The following ADGRL2 variants were observed in gnomAD, a reference collection of about 807,000 sequenced individuals.
The protein encoded by ADGRL2 is adhesion G protein-coupled receptor L2.
ADGRL2 carries 44 observed loss-of-function variants against 157.4 expected under a neutral mutation model. That is an observed-to-expected ratio of 0.28 (90% CI 0.22 to 0.36). The LOEUF is 0.36. Ranked by LOEUF, ADGRL2 falls within the 10% of genes least tolerant of loss-of-function variation. The probability of loss-of-function intolerance (pLI) is 1.00; values close to 1 mark genes in which losing one functional copy is unlikely to be tolerated. For synonymous variants in ADGRL2, 585 were observed against 624.7 expected (o/e 0.94, Z 0.95); for missense variants, 1,510 against 1,768.9 (o/e 0.85, Z 2.63).
At position 81,782,127 on chromosome 1, in the gene ADGRL2, C is replaced by T. The variant is rs536657180; in HGVS notation, c.-101+20275C>T. On this transcript the variant is annotated intron_variant, in intron 2 of 20. Transcript: ENST00000359929. ...GGGCTTGGGCACCAATAGATCAGAA[C>T]AGATGCTGGTCATAAACTACCAGCA... is the stretch of plus-strand genomic sequence containing the variant. Among the ~76,000 whole-genome samples, 5 of 152,252 alleles carry T rather than the reference C, an allele frequency of 3.3e-5. No individual in the cohort carries two copies. The East Asian group carries it at 5.8e-4, about 18-fold the overall frequency.
At chr1:81,785,633 C>T (rs527762747) in intron 2 of ADGRL2, among the ~76,000 whole-genome samples, 6 of 152,066 alleles carry the variant, frequency 3.9e-5, no homozygotes, top group Non-Finnish European at 8.8e-5. Context: ...GCAGCGAAGG[C>T]AGGAGGATTG....
At position 81,370,953 on chromosome 1, in the gene ADGRL2, T is replaced by C. The variant is rs544082737; in HGVS notation, c.-302+64444T>C. ...ACAGTTTTCAATATCGTGTGTGACTTAGTGAGTTCTCTAGTCTAGCGTTTA... is the reference window on the plus strand; with the variant it reads ...ACAGTTTTCAATATCGTGTGTGACTCAGTGAGTTCTCTAGTCTAGCGTTTA... On this transcript the variant is annotated intron_variant, in intron 1 of 24. Transcript: ENST00000370721. Among the ~76,000 whole-genome samples the C allele has an allele frequency of 4.6e-5, 7 of 152,306 alleles. No homozygotes were observed. The South Asian group carries it at 1.5e-3, about 32-fold the overall frequency.
At chr1:81,940,032 A>T (rs1647305674) in intron 4 of ADGRL2, among the ~76,000 whole-genome samples, 1 of 151,430 alleles carries the variant, frequency 6.6e-6, no homozygotes, top group African/African-American at 2.4e-5. Context: ...ATTAAATCTC[A>T]AGTAAATAAA....
chr1:81,618,669 A>C (rs1177414270), intron 3 of ADGRL2, among the ~76,000 whole-genome samples: 1 of 152,214 alleles, frequency 6.6e-6, no homozygotes, highest in African/African-American at 2.4e-5. Flanking sequence ...ACATGTTGCA[A>C]TTGTTGGATA....
chr1:81,591,132 T>A (rs182117450), intron 3 of ADGRL2, among the ~76,000 whole-genome samples: 3 of 152,328 alleles, frequency 2.0e-5, no homozygotes, highest in African/African-American at 7.2e-5. Flanking sequence ...AGGATTGTCT[T>A]ATAAGGCATC....
chr1:81,526,164 G>T (rs530475493), intron 2 of ADGRL2, among the ~76,000 whole-genome samples: 3 of 152,144 alleles, frequency 2.0e-5, no homozygotes, highest in Non-Finnish European at 4.4e-5. Context: ...TTGTCTCCTT[G>T]TATCATATAG....
intron 1 of ADGRL2, among the ~76,000 whole-genome samples, chr1:81,386,469 A>C (rs1189950726): frequency 2.6e-5 from 4 of 152,156 alleles, no homozygotes; most frequent in African/African-American, 9.7e-5. Flanking sequence ...ACAGATGTGC[A>C]TCCAATACCA....
intron 2 of ADGRL2, among the ~76,000 whole-genome samples, chr1:81,894,141 A>G (rs389730): frequency 0.07 from 10,712 of 152,198 alleles, 1,133 homozygotes; most frequent in African/African-American, 0.23. Flanking sequence ...GTTGTCTCCA[A>G]CTTGTATTGT....
At chr1:81,961,151 C>T (rs944294707) in intron 11 of ADGRL2, among the ~76,000 whole-genome samples, 2 of 152,138 alleles carry the variant, frequency 1.3e-5, no homozygotes. Flanking sequence ...CTGAATGGCT[C>T]TCCAGTGAAC....
chr1:81,694,745 A>G (rs929558540), intron 3 of ADGRL2, among the ~76,000 whole-genome samples: 4 of 152,108 alleles, frequency 2.6e-5, no homozygotes, highest in African/African-American at 9.7e-5. Context: ...TCGTCTTCCC[A>G]TTGTAATGAA....
In ADGRL2 at chr1:81,808,507, C is replaced by T. The variant is rs566852322; in HGVS notation, c.-101+7439C>T. On this transcript the variant is annotated intron_variant, in intron 1 of 23. Coordinates refer to ENST00000686636, the MANE Select transcript of ADGRL2 (RefSeq NM_001366006.2). ...TTTATGAAAGCTATTGCATGACATA[C>T]GAGAAACTACTTCCACTGGCATATT... Among the ~76,000 whole-genome samples the T allele has an allele frequency of 4.1e-4, 62 of 151,990 alleles. 1 individual carries two copies. In the South Asian group the frequency reaches 0.012, roughly 30 times the overall value.
intron 1 of ADGRL2, among the ~76,000 whole-genome samples, chr1:81,371,722 C>G (rs571032976): frequency 1.8e-4 from 28 of 152,034 alleles, no homozygotes; most frequent in Admixed American, 3.3e-4. Flanking sequence ...AGAAAGTATG[C>G]CATGTTTTTG....
At chr1:81,459,776 GTA>G (rs1355814629) in intron 2 of ADGRL2, among the ~76,000 whole-genome samples, 17 of 78,412 alleles carry the variant, frequency 2.2e-4, no homozygotes, top group South Asian at 1.3e-3. Flanking sequence ...CTTAGTGTGT[GTA>G]TGTGTGTGTG....
At chr1:81,391,148 T>C in intron 1 of ADGRL2, among the ~76,000 whole-genome samples, 1 of 152,308 alleles carries the variant, frequency 6.6e-6, no homozygotes, top group Non-Finnish European at 1.5e-5. Flanking sequence ...ATAAATGCCC[T>C]TATCTGAAAC....
rs569979173 is a variant in ADGRL2, at chr1:81,768,255, C to T, written c.-101+6403C>T. 2.0e-5 allele frequency among the ~76,000 whole-genome samples: 3 copies of T among 151,972 alleles called. No homozygotes were observed. The South Asian group carries it at 6.2e-4, about 32-fold the overall frequency. The stretch of plus-strand genomic sequence containing the variant: ...GTAGACAGGGGTCTCACTATGTTGC[C>T]AGGGCTGGTCTTGAACTCCTGGCCT... On this transcript the variant is annotated intron_variant, in intron 2 of 20. Coordinates refer to the ADGRL2 transcript ENST00000359929.
rs1473843849 is a variant in ADGRL2 at position 81,413,618 on chromosome 1, T to G, written c.-301-31418T>G. On this transcript the variant is annotated intron_variant, in intron 1 of 24. Transcript: ENST00000370721. Reference sequence around the variant, plus strand: ...TCATGTCCTCGTTCGAGAGTTGTTTTGGATGACTACTTATCAGGGTTTAAA... The same window carrying G: ...TCATGTCCTCGTTCGAGAGTTGTTTGGGATGACTACTTATCAGGGTTTAAA... 3.3e-4 allele frequency among the ~76,000 whole-genome samples: 50 copies of G among 152,224 alleles called. 1 individual carries two copies. The highest frequency in any genetic ancestry group is 3.3e-3 in the Admixed American group (50 of 15,278).
At chr1:81,971,950 G>A (rs766356714) in intron 17 of ADGRL2, 32 bp downstream of exon 17, 1 of 1,474,274 alleles carries the variant, frequency 6.8e-7, no homozygotes. Context: ...TTGCTTTTTA[G>A]CTTGCTGCTT....
At chr1:81,900,969 G>A (rs192120712) in intron 2 of ADGRL2, among the ~76,000 whole-genome samples, 3 of 152,236 alleles carry the variant, frequency 2.0e-5, no homozygotes, top group Admixed American at 2.0e-4. Flanking sequence ...GGTATAAGCA[G>A]CCACACACTG....
intron 3 of ADGRL2, among the ~76,000 whole-genome samples, chr1:81,672,764 T>C (rs561883820): frequency 3.7e-4 from 52 of 142,078 alleles, no homozygotes; most frequent in African/African-American, 1.4e-3. Flanking sequence ...TAGATTGCCC[T>C]ATTCTATGTT....
Sources: gnomAD v4.1 joint callset for allele counts (sites outside exome capture counted in the v4.1 genomes callset) on GRCh38, gnomAD v4.1.1 for gene constraint, MANE v1.5 for transcripts, NCBI Gene and HGNC (gene_info 2026-07-23, HGNC 2026-07-21) for gene names.